The following ABCC2 variants were observed in gnomAD, a reference collection of about 807,000 sequenced individuals.
ABCC2 encodes ATP-binding cassette sub-family C member 2.
Under a neutral mutation model 173.4 loss-of-function variants are expected in ABCC2, and 157 were observed. The ratio of observed to expected loss-of-function variants is 0.91; its 90% CI spans 0.80 to 1.03. The LOEUF (loss-of-function observed/expected upper bound fraction) is 1.03, where lower values mean the gene tolerates loss of function less well. Among genes scored for constraint, ABCC2 ranks in the 50% least tolerant of loss-of-function variants. The pLI, the probability that ABCC2 is intolerant of heterozygous loss-of-function variation, is 0.00. For missense variants in ABCC2, 1,822 were observed against 1,852.3 expected, an observed-to-expected ratio of 0.98 and a Z score of 0.30; for synonymous variants, 657 against 693.5, an observed-to-expected ratio of 0.95 and a Z score of 0.83.
At chr10:99,819,643 C>T (rs2038496496) in intron 19 of ABCC2, among the ~76,000 whole-genome samples, 1 of 152,150 alleles carries the variant, frequency 6.6e-6, no homozygotes, top group South Asian at 2.1e-4. Context: ...TCCCATCTAC[C>T]CCAAATCCAT....
rs1046839976 is a variant in ABCC2, at chr10:99,852,534, G to T, written c.*903G>T. On this transcript the variant is annotated 3_prime_UTR_variant, in exon 32 of 32. Coordinates refer to ENST00000647814, the MANE Select transcript of ABCC2 (RefSeq NM_000392.5). Reference sequence around the variant, plus strand: ...TTTACTCATGGTATTTTATTTCCTTGTATGTCTTGTGAATTTTTATTATAA... The same window carrying T: ...TTTACTCATGGTATTTTATTTCCTTTTATGTCTTGTGAATTTTTATTATAA... Among the ~76,000 whole-genome samples the T allele has an allele frequency of 6.6e-6, 1 of 152,190 alleles. No individual in the cohort carries two copies. The highest frequency in any genetic ancestry group is 6.5e-5 in the Admixed American group (1 of 15,290).
At position 99,807,428 on chromosome 10, in the gene ABCC2, A is replaced by G; in HGVS notation, c.1575A>G (p.Val525=). The part of the protein sequence containing the change: ...FAWEPSFRDQ[V]QNLRKKELKN... ...GGGAACCTTCATTCAGAGACCAAGT[A>G]CAAAACCTCCGGAAGAAAGAGCTCA... Residue 525 remains valine, a synonymous_variant, in exon 12 of 32, where the codon GTA becomes GTG. Transcript: ENST00000647814. 3 of 1,614,160 alleles carry G rather than the reference A, an allele frequency of 1.9e-6. No individual in the cohort carries two copies. Among genetic ancestry groups the G allele is most frequent in the African/African-American group, 1.3e-5 (1 of 75,058 alleles).
intron 16 of ABCC2, among the ~76,000 whole-genome samples, chr10:99,814,149 GTA>G (rs1405375525): frequency 4.7e-5 from 1 of 21,460 alleles, no homozygotes; most frequent in Non-Finnish European, 9.8e-5. Flanking sequence ...ATACACACAT[GTA>G]TGTATACACA....
Position 99,819,168 on chromosome 10 carries a change from T to C in ABCC2, c.2519T>C (p.Val840Ala), listed in dbSNP as rs2038481951. The change falls in exon 19 of 32, where the codon GTA becomes GCA. Residue 840 changes from valine to alanine, a missense_variant. By Grantham distance (64) the Val-to-Ala change is moderately conservative (BLOSUM62 0). Coordinates refer to ENST00000647814, the MANE Select transcript of ABCC2 (RefSeq NM_000392.5). The part of the protein sequence containing the change: ...EIVVLGNGTI[V>A]EKGSYSALLA... ...GTAGTTCTGGGGAATGGAACAATTGTAGAGAAAGGATCCTACAGTGCTCTC... is the reference window on the plus strand; with the variant it reads ...GTAGTTCTGGGGAATGGAACAATTGCAGAGAAAGGATCCTACAGTGCTCTC... 1.2e-6 allele frequency: 2 copies of C among 1,614,004 alleles called. No individual in the cohort carries two copies. Among genetic ancestry groups the C allele is most frequent in the Non-Finnish European group, 1.7e-6 (2 of 1,180,006 alleles).
chr10:99,817,520 G>T lies in ABCC2; in HGVS notation c.2271+36G>T, dbSNP rs17216268. On this transcript the variant is annotated intron_variant, in intron 17 of 31. Transcript: ENST00000647814. ...TAACAAGGGATCTTCAAGGGTGAAGGCATATTGAAGAGAAAAAGTGAGGAT... is the reference window on the plus strand; with the variant it reads ...TAACAAGGGATCTTCAAGGGTGAAGTCATATTGAAGAGAAAAAGTGAGGAT... 5.1e-4 allele frequency: 822 copies of T among 1,607,476 alleles called. No individual in the cohort carries two copies. In the African/African-American group the frequency reaches 9.0e-3, roughly 18 times the overall value.
Position 99,834,379 on chromosome 10 carries a change from G to C in ABCC2, c.3259-1G>C. ...TGTATCTCTCCTAATCGTTTTCCTA[G>C]GATATTTCCACAGTGGATGACACCC... On this transcript the variant is annotated splice_acceptor_variant, in intron 23 of 31. Transcript: ENST00000647814. LOFTEE classifies it high-confidence loss of function. The C allele has an allele frequency of 6.2e-7, 1 of 1,614,010 alleles. No homozygotes were observed. Among genetic ancestry groups the C allele is most frequent in the Non-Finnish European group, 8.5e-7 (1 of 1,179,944 alleles).
intron 24 of ABCC2, among the ~76,000 whole-genome samples, chr10:99,835,266 C>T (rs1198904382): frequency 6.6e-6 from 1 of 152,186 alleles, no homozygotes; most frequent in East Asian, 1.9e-4. Context: ...GCGGCTCGCC[C>T]CCATGTCCGT....
Position 99,844,453 on chromosome 10 carries a change from T to C in ABCC2, c.3975T>C (p.Gly1325=). 1 of 1,613,726 alleles carries C rather than the reference T, an allele frequency of 6.2e-7. No homozygotes were observed. The highest frequency in any genetic ancestry group is 8.5e-7 in the Non-Finnish European group (1 of 1,180,034). ...TCAGAGGGATCACTTGTGACATCGG[T>C]AGCATGGAGAAGGTAGGTGGAGTGA... ...LVLRGITCDI[G]SMEKIGVVGR... is the part of the protein sequence containing the mutation. Residue 1325 remains glycine, a synonymous_variant, in exon 28 of 32, where the codon GGT becomes GGC. Transcript: ENST00000647814.
intron 13 of ABCC2, among the ~76,000 whole-genome samples, chr10:99,808,468 A>G (rs2038152616): frequency 2.0e-5 from 3 of 152,166 alleles, no homozygotes; most frequent in Admixed American, 2.0e-4. Flanking sequence ...ACAGGGAGAC[A>G]ATCTTGTGAA....
intron 19 of ABCC2, among the ~76,000 whole-genome samples, chr10:99,820,379 G>GAA (rs2038512543): frequency 8.0e-6 from 1 of 125,350 alleles, no homozygotes. Context: ...CAACAAGAGT[G>GAA]AAACTCCATC....
At chr10:99,841,308 T>G (rs1434825830) in intron 25 of ABCC2, among the ~76,000 whole-genome samples, 1 of 152,124 alleles carries the variant, frequency 6.6e-6, no homozygotes, top group East Asian at 1.9e-4. Context: ...ATTCCAGCAC[T>G]TTGGGAGACT....
chr10:99,824,678 A>G (rs1167170779), intron 19 of ABCC2, among the ~76,000 whole-genome samples: 1 of 152,140 alleles, frequency 6.6e-6, no homozygotes, highest in African/African-American at 2.4e-5. Context: ...TAAAAAAGCA[A>G]TCCTTTAGAT....
rs2756108 is a variant in ABCC2 at position 99,792,145 on chromosome 10, C to T, written c.208-89C>T. On this transcript the variant is annotated intron_variant, in intron 2 of 31. Coordinates refer to ENST00000647814, the MANE Select transcript of ABCC2 (RefSeq NM_000392.5). ...GTGTTATCTGAATCACTGCATACCGCTTTTCCTATCCATCACCGGAAACCA... is the reference window on the plus strand; with the variant it reads ...GTGTTATCTGAATCACTGCATACCGTTTTTCCTATCCATCACCGGAAACCA... 1 allele frequency: 1,537,731 copies of T among 1,539,606 alleles called. 767,949 individuals carry two copies. The highest frequency in any genetic ancestry group is 1 in the East Asian group (44,218 of 44,218).
chr10:99,829,918 G>C (rs530091972), intron 19 of ABCC2, among the ~76,000 whole-genome samples: 1 of 152,058 alleles, frequency 6.6e-6, no homozygotes, highest in African/African-American at 2.4e-5. Context: ...GAGCCACCAC[G>C]CCTGGCCAAG....
At chr10:99,810,671 T>A (rs7090621) in intron 14 of ABCC2, among the ~76,000 whole-genome samples, 1,725 of 152,264 alleles carry the variant, frequency 0.011, 31 homozygotes, top group Middle Eastern at 0.041. Context: ...CCTGAGAGTA[T>A]ACCCAGAGTA....
At chr10:99,816,256 G>A (rs1032167955) in intron 16 of ABCC2, among the ~76,000 whole-genome samples, 3 of 151,370 alleles carry the variant, frequency 2.0e-5, no homozygotes, top group African/African-American at 4.9e-5. Flanking sequence ...GTGAGCCACC[G>A]CGCCCGGCCT....
intron 9 of ABCC2, among the ~76,000 whole-genome samples, chr10:99,803,105 A>T (rs913231501): frequency 6.6e-6 from 1 of 152,084 alleles, no homozygotes. Context: ...AGCAGCTGGG[A>T]TTACAGGTTC....
chr10:99,814,794 CA>C (rs2038372563), intron 16 of ABCC2, among the ~76,000 whole-genome samples: 1 of 90,700 alleles, frequency 1.1e-5, no homozygotes, highest in South Asian at 3.6e-4. Context: ...TACACACACA[CA>C]TATGTGTGTG....
intron 13 of ABCC2, among the ~76,000 whole-genome samples, chr10:99,809,927 G>T (rs2038180287): frequency 6.6e-6 from 1 of 152,206 alleles, no homozygotes; most frequent in South Asian, 2.1e-4. Flanking sequence ...CAGAAGAGTT[G>T]AACTCCATGA....
Sources: allele counts gnomAD v4.1 joint callset (sites outside exome capture counted in the v4.1 genomes callset), GRCh38; gene constraint gnomAD v4.1.1; transcripts MANE v1.5; gene names NCBI Gene and HGNC (gene_info 2026-07-23, HGNC 2026-07-21).